The following DMD variants were observed in gnomAD, a reference collection of about 807,000 sequenced individuals.
DMD encodes dystrophin, also known as mutant dystrophin.
DMD carries 63 observed loss-of-function variants against 330.1 expected under a neutral mutation model. The ratio of observed to expected loss-of-function variants is 0.19; its 90% CI spans 0.16 to 0.24. DMD has a LOEUF of 0.24. DMD is among the 10% of genes least tolerant of loss of function. The pLI is 1.00. For synonymous variants in DMD, 1,223 were observed against 959.8 expected, an observed-to-expected ratio of 1.27 and a Z score of -5.07; for missense variants, 3,344 against 2,684.1, an observed-to-expected ratio of 1.25 and a Z score of -5.43.
At chrX:32,518,267 C>T in intron 17 of DMD, 136 bp from the exon 18 acceptor site, 1 of 625,338 alleles carries the variant, frequency 1.6e-6, no homozygotes. Flanking sequence ...GTATTAATAG[C>T]AGCACTATTT....
chrX:33,218,809 T>G (rs919853756), intron 1 of DMD, among the ~76,000 whole-genome samples: 4 of 111,735 alleles, frequency 3.6e-5, no homozygotes, highest in African/African-American at 9.8e-5. Context: ...TTTTTCCTTC[T>G]TGTTACGACT....
At chrX:32,540,843 GAAT>G (rs1261746647) in intron 17 of DMD, among the ~76,000 whole-genome samples, 3 of 111,823 alleles carry the variant, frequency 2.7e-5, no homozygotes, top group Admixed American at 9.5e-5. Context: ...TGGAGAATGA[GAAT>G]AATACTGAAT....
chrX:31,812,473 C>T (rs1049819330), intron 50 of DMD, among the ~76,000 whole-genome samples: 175 of 106,591 alleles, frequency 1.6e-3, no homozygotes, highest in Non-Finnish European at 2.4e-3. Context: ...TGTTCAATGA[C>T]GAGTTAATGG....
At chrX:32,313,753 A>G (rs1230080859) in intron 41 of DMD, among the ~76,000 whole-genome samples, 1 of 111,640 alleles carries the variant, frequency 9.0e-6, no homozygotes, top group Non-Finnish European at 1.9e-5. Flanking sequence ...CCTATAAACC[A>G]ATAACAGACA....
At chrX:31,453,248 G>A (rs917063003) in intron 59 of DMD, among the ~76,000 whole-genome samples, 18 of 110,711 alleles carry the variant, frequency 1.6e-4, no homozygotes, top group Admixed American at 1.1e-3. Context: ...TGCAACCTCC[G>A]CCTCCCAGGT....
chrX:32,983,711 T>C (rs1226100153), intron 2 of DMD, among the ~76,000 whole-genome samples: 1 of 111,811 alleles, frequency 8.9e-6, no homozygotes, highest in African/African-American at 3.2e-5. Flanking sequence ...AGGATATCCG[T>C]ATTATTTCTT....
intron 64 of DMD, among the ~76,000 whole-genome samples, chrX:31,220,551 G>T (rs1362204444): frequency 9.0e-6 from 1 of 111,429 alleles, no homozygotes; most frequent in Non-Finnish European, 1.9e-5. Flanking sequence ...CCATTCCTTT[G>T]CAGTCCCTTC....
At chrX:33,187,331 C>T (rs1295590659) in intron 1 of DMD, among the ~76,000 whole-genome samples, 1 of 112,299 alleles carries the variant, frequency 8.9e-6, no homozygotes, top group Non-Finnish European at 1.9e-5. Context: ...TATTTTTTGC[C>T]TTCTGTGAAT....
chrX:31,420,216 T>C (rs1417515821), intron 60 of DMD, among the ~76,000 whole-genome samples: 1 of 112,540 alleles, frequency 8.9e-6, no homozygotes, highest in East Asian at 2.8e-4. Context: ...GAAAATAAGC[T>C]CAATAAAGAC....
At chrX:32,636,024 G>C (rs2059070581) in intron 11 of DMD, among the ~76,000 whole-genome samples, 1 of 111,898 alleles carries the variant, frequency 8.9e-6, no homozygotes, top group South Asian at 3.7e-4. Context: ...ACTAGACTCA[G>C]CTGCAAAGCC....
intron 17 of DMD, among the ~76,000 whole-genome samples, chrX:32,528,138 G>A (rs2047094525): frequency 9.9e-5 from 11 of 111,003 alleles, no homozygotes; most frequent in Middle Eastern, 4.6e-3. Flanking sequence ...ACGAAACCCC[G>A]TCTCTACTAA....
chrX:32,489,476 G>C (rs1207994347), intron 20 of DMD, among the ~76,000 whole-genome samples: 1 of 110,839 alleles, frequency 9.0e-6, no homozygotes, highest in African/African-American at 3.3e-5. Flanking sequence ...GCCATGTGAG[G>C]ACAGAGTGAG....
chrX:31,378,591 C>T (rs1034289691), intron 60 of DMD, among the ~76,000 whole-genome samples: 2 of 109,754 alleles, frequency 1.8e-5, no homozygotes, highest in African/African-American at 3.3e-5. Flanking sequence ...CACACGGGGA[C>T]GCCTGCCTTG....
At chrX:31,416,305 A>G (rs1401907869) in intron 60 of DMD, among the ~76,000 whole-genome samples, 3 of 112,487 alleles carry the variant, frequency 2.7e-5, no homozygotes, top group Non-Finnish European at 5.6e-5. Flanking sequence ...TGAGGGAAAT[A>G]GTGGATTGCA....
chrX:32,910,718 G>A (rs2087158483), intron 2 of DMD, among the ~76,000 whole-genome samples: 1 of 112,077 alleles, frequency 8.9e-6, no homozygotes, highest in African/African-American at 3.2e-5. Context: ...TGGGATTACA[G>A]GAGTGAGCCA....
chrX:31,437,184 A>G (rs2064592822), intron 60 of DMD, among the ~76,000 whole-genome samples: 1 of 112,287 alleles, frequency 8.9e-6, no homozygotes, highest in South Asian at 3.7e-4. Flanking sequence ...CTAATTGAGA[A>G]AAGGCTATTA....
intron 9 of DMD, among the ~76,000 whole-genome samples, chrX:32,650,698 T>G (rs1273737718): frequency 1.8e-5 from 2 of 112,052 alleles, no homozygotes; most frequent in Non-Finnish European, 3.8e-5. Flanking sequence ...CACTATTAAA[T>G]AGGTAATTTT....
At chrX:32,027,164 GCACACA>G (rs757441503) in intron 44 of DMD, among the ~76,000 whole-genome samples, 13 of 89,517 alleles carry the variant, frequency 1.5e-4, no homozygotes, top group Non-Finnish European at 1.9e-4. Context: ...ACACGCACGT[GCACACA>G]CACACACACA....
chrX:32,603,007 T>C (rs145416637), intron 12 of DMD, among the ~76,000 whole-genome samples: 9 of 111,646 alleles, frequency 8.1e-5, no homozygotes, highest in South Asian at 3.7e-4. Context: ...CAAGTATTAA[T>C]ATCCTTCCAG....
Sources: allele counts gnomAD v4.1 joint callset (sites outside exome capture counted in the v4.1 genomes callset), GRCh38; gene constraint gnomAD v4.1.1; transcripts MANE v1.5; gene names NCBI Gene and HGNC (gene_info 2026-07-23, HGNC 2026-07-21).